The following JARID2 variants were observed in gnomAD, a reference collection of about 807,000 sequenced individuals.
JARID2 encodes the protein protein Jumonji.
Under a neutral mutation model 125.6 loss-of-function variants are expected in JARID2, and 21 were observed. The ratio of observed to expected loss-of-function variants is 0.17; its 90% CI spans 0.12 to 0.24. JARID2 has a LOEUF of 0.24. Ranked by LOEUF, JARID2 falls within the 10% of genes least tolerant of loss-of-function variation. The pLI is 1.00. For synonymous variants in JARID2, 736 were observed against 661.6 expected (o/e 1.11, Z -1.73); for missense variants, 1,303 against 1,639.6 (o/e 0.79, Z 3.55).
intron 1 of JARID2, among the ~76,000 whole-genome samples, chr6:15,300,949 T>C (rs1761601826): frequency 6.6e-6 from 1 of 152,162 alleles, no homozygotes; most frequent in Non-Finnish European, 1.5e-5. Flanking sequence ...TAGTTATCAA[T>C]GAGTGACTGT....
At chr6:15,491,218 G>C (rs923864980) in intron 6 of JARID2, among the ~76,000 whole-genome samples, 1 of 152,218 alleles carries the variant, frequency 6.6e-6, no homozygotes, top group East Asian at 1.9e-4. Context: ...GCACTTGCTG[G>C]TGGTGGGGTA....
At chr6:15,393,366 C>T (rs1765097260) in intron 2 of JARID2, among the ~76,000 whole-genome samples, 1 of 152,110 alleles carries the variant, frequency 6.6e-6, no homozygotes, top group African/African-American at 2.4e-5. Flanking sequence ...TGTCATTTAC[C>T]TTATGTAGGT....
intron 2 of JARID2, among the ~76,000 whole-genome samples, chr6:15,400,030 T>C (rs1765364652): frequency 6.6e-6 from 1 of 152,332 alleles, no homozygotes; most frequent in Middle Eastern, 3.4e-3. Flanking sequence ...GCCAGGGAGC[T>C]GGCCAGCCCT....
chr6:15,400,679 G>A (rs989752231), intron 2 of JARID2, among the ~76,000 whole-genome samples: 2 of 151,914 alleles, frequency 1.3e-5, no homozygotes, highest in Admixed American at 6.6e-5. Context: ...TTATCAGGGT[G>A]GGGGGAGCCA....
intron 5 of JARID2, among the ~76,000 whole-genome samples, chr6:15,485,950 A>G (rs1769845147): frequency 6.6e-6 from 1 of 152,200 alleles, no homozygotes; most frequent in Admixed American, 6.5e-5. Context: ...AAGGAGGAAT[A>G]ATTTTCACTT....
At chr6:15,456,878 CTTT>C (rs71535043) in intron 4 of JARID2, among the ~76,000 whole-genome samples, 6 of 95,668 alleles carry the variant, frequency 6.3e-5, no homozygotes, top group Non-Finnish European at 9.6e-5. Context: ...GGATGTTAAG[CTTT>C]TTTTTTTTTT....
At chr6:15,443,608 T>C (rs990753449) in intron 3 of JARID2, among the ~76,000 whole-genome samples, 6 of 152,206 alleles carry the variant, frequency 3.9e-5, no homozygotes, top group African/African-American at 9.7e-5. Context: ...TTTGGAGATT[T>C]AGATTTTACT....
chr6:15,456,248 A>G (rs1386024108), intron 4 of JARID2, among the ~76,000 whole-genome samples: 1 of 152,216 alleles, frequency 6.6e-6, no homozygotes, highest in East Asian at 1.9e-4. Context: ...TTATTGTTCA[A>G]ATAAATGCCA....
At chr6:15,403,027 C>A (rs1765499700) in intron 2 of JARID2, among the ~76,000 whole-genome samples, 1 of 151,984 alleles carries the variant, frequency 6.6e-6, no homozygotes, top group Non-Finnish European at 1.5e-5. Context: ...AGGTACTGTA[C>A]TTGTTCTGAT....
intron 2 of JARID2, among the ~76,000 whole-genome samples, chr6:15,376,171 G>A (rs944296929): frequency 6.6e-6 from 1 of 152,094 alleles, no homozygotes; most frequent in African/African-American, 2.4e-5. Context: ...CCTTCATAAG[G>A]GAAGGTTAGT....
intron 4 of JARID2, among the ~76,000 whole-genome samples, chr6:15,463,374 C>G (rs1165383478): frequency 6.6e-6 from 1 of 151,232 alleles, no homozygotes; most frequent in Non-Finnish European, 1.5e-5. Flanking sequence ...TTTTGCCATG[C>G]AGAGTCCACC....
Position 15,397,842 on chromosome 6 carries a change from C to CA in JARID2, c.182-12381dup, listed in dbSNP as rs140262761. Among the ~76,000 whole-genome samples the CA allele has an allele frequency of 1.9e-3, 289 of 152,232 alleles. 2 individuals are homozygous for CA. Among genetic ancestry groups the CA allele is most frequent in the African/African-American group, 6.5e-3 (272 of 41,534 alleles). On this transcript the variant is annotated intron_variant, in intron 2 of 17. Transcript: ENST00000341776. The stretch of plus-strand genomic sequence containing the variant: ...TAGTGCATGATTTCCAGGAGACTTG[C>CA]AGAGAGGAATTGCAACATGGTTCAT...
chr6:15,253,228 C>G (rs1413940808), intron 1 of JARID2, among the ~76,000 whole-genome samples: 2 of 152,088 alleles, frequency 1.3e-5, no homozygotes, highest in African/African-American at 4.8e-5. Flanking sequence ...CCACACCCGG[C>G]TCATTTTTGT....
chr6:15,310,708 C>A (rs770537932), intron 1 of JARID2, among the ~76,000 whole-genome samples: 14 of 152,192 alleles, frequency 9.2e-5, no homozygotes, highest in Admixed American at 8.5e-4. Flanking sequence ...GGATTTCAAT[C>A]TCCAGAATTC....
At chr6:15,502,424 T>G (rs1196262117) in intron 8 of JARID2, among the ~76,000 whole-genome samples, 1 of 152,236 alleles carries the variant, frequency 6.6e-6, no homozygotes, top group Non-Finnish European at 1.5e-5. Context: ...AAGCGTTCTC[T>G]GCTCCAGCCC....
intron 1 of JARID2, among the ~76,000 whole-genome samples, chr6:15,286,588 T>G (rs794787): frequency 6.6e-6 from 1 of 150,472 alleles, no homozygotes; most frequent in African/African-American, 2.4e-5. Flanking sequence ...TGGCAGAGCG[T>G]GGTGGCTCAC....
At chr6:15,279,805 A>G (rs1471477460) in intron 1 of JARID2, among the ~76,000 whole-genome samples, 5 of 152,226 alleles carry the variant, frequency 3.3e-5, no homozygotes, top group Non-Finnish European at 5.9e-5. Context: ...TCTATGGGAT[A>G]AAATCTAAAC....
At chr6:15,492,702 C>T (rs766951785) in intron 6 of JARID2, among the ~76,000 whole-genome samples, 20 of 152,108 alleles carry the variant, frequency 1.3e-4, no homozygotes, top group Admixed American at 3.3e-4. Flanking sequence ...TTTTCAGCTC[C>T]CCTGTGGCCT....
chr6:15,513,432 C>T lies in JARID2; in HGVS notation c.3450+10C>T. ...GTGCTACCTGTCCATGGTGAGCCCG[C>T]CTGGCCCTGCCGGCGCCCTCGCATG... On this transcript the variant is annotated intron_variant, in intron 16 of 17. Coordinates refer to ENST00000341776, the MANE Select transcript of JARID2 (RefSeq NM_004973.4). 6.3e-7 allele frequency: 1 copy of T among 1,588,198 alleles called. No homozygotes were observed. The highest frequency in any genetic ancestry group is 8.6e-7 in the Non-Finnish European group (1 of 1,163,472).
Sources: allele counts gnomAD v4.1 joint callset (sites outside exome capture counted in the v4.1 genomes callset), GRCh38; gene constraint gnomAD v4.1.1; transcripts MANE v1.5; gene names NCBI Gene and HGNC (gene_info 2026-07-23, HGNC 2026-07-21).